The following C4orf54 variants were observed in gnomAD, a reference collection of about 807,000 sequenced individuals.
C4orf54 encodes uncharacterized protein C4orf54.
A neutral mutation model predicts 80.1 loss-of-function variants in C4orf54; 67 were observed. The ratio of observed to expected loss-of-function variants is 0.84; its 90% CI spans 0.69 to 1.03. The LOEUF is 1.03. C4orf54 is among the 50% of genes least tolerant of loss of function. The pLI is 0.00. For missense variants in C4orf54, 2,434 were observed against 2,253.5 expected (o/e 1.08, Z -1.62); for synonymous variants, 1,000 against 917.0 (o/e 1.09, Z -1.64).
chr4:99,636,907 G>A lies in C4orf54; in HGVS notation c.*4326C>T, dbSNP rs551473515. The A allele has an allele frequency of 2.6e-5, 4 of 152,116 alleles. No homozygotes were observed. In the South Asian group the frequency reaches 8.3e-4, roughly 32 times the overall value. 9.4% of individuals were successfully genotyped at this position (152,116 alleles called of 1,614,324 possible). A position where few individuals can be genotyped will look rare whatever the true frequency, so the allele number is the denominator to read the frequency against. ...TTACCACCAGCTTTTTTCATAGTCC[G>A]GGGTATAACATTATCCAATATCCTT... On this transcript the variant is annotated 3_prime_UTR_variant, in exon 3 of 3. Coordinates refer to ENST00000511828, the MANE Select transcript of C4orf54 (RefSeq NM_001354435.2).
Position 99,649,286 on chromosome 4 carries a change from A to G in C4orf54, c.5363T>C (p.Phe1788Ser). Residue 1788 changes from phenylalanine (F) to serine (S), a missense_variant, in exon 2 of 3, where the codon TTT becomes TCT. Phe to Ser is a radical substitution (Grantham distance 155, BLOSUM62 -2). Transcript: ENST00000511828. ...PPSFDGTTMS[F>S]VVEHR ...TGCTCATCATCTGTGTTCTACCACA[A>G]AGCTCATGGTGGTGCCATCAAAGGA... The G allele has an allele frequency of 6.6e-7, 1 of 1,525,314 alleles. No individual in the cohort carries two copies. 94.5% of individuals were successfully genotyped at this position (1,525,314 alleles called of 1,614,324 possible).
Position 99,650,238 on chromosome 4 carries a change from G to C in C4orf54, c.4411C>G (p.Leu1471Val), listed in dbSNP as rs752450077. The part of the protein sequence containing the change: ...EKSNSDCENY[L>V]TIPLKGSSAA... ...GAGCTTCCTTTAAGAGGGATGGTCA[G>C]GTAATTCTCACAGTCACTGTTGCTC... The change falls in exon 2 of 3, where the codon CTG (leucine) becomes GTG (valine). Residue 1471 changes from leucine (L) to valine (V), a missense_variant. Coordinates refer to ENST00000511828, the MANE Select transcript of C4orf54 (RefSeq NM_001354435.2). The C allele has an allele frequency of 1.4e-5, 22 of 1,536,102 alleles. No homozygotes were observed. Among genetic ancestry groups the C allele is most frequent in the Non-Finnish European group, 1.9e-5 (22 of 1,146,898 alleles).
chr4:99,650,416 G>T lies in C4orf54; in HGVS notation c.4233C>A (p.Val1411=). 1 of 1,536,068 alleles carries T rather than the reference G, an allele frequency of 6.5e-7. No homozygotes were observed. Among genetic ancestry groups the T allele is most frequent in the South Asian group, 1.2e-5 (1 of 84,040 alleles). The change falls in exon 2 of 3, where the codon GTC becomes GTA. Residue 1411 remains valine (V), a synonymous_variant. Coordinates refer to ENST00000511828, the MANE Select transcript of C4orf54 (RefSeq NM_001354435.2). ...SASSIQKTGG[V]AGKFPQGPSP... is the part of the protein sequence containing the mutation. ...AAGGCCCTTGTGGGAACTTGCCAGCGACACCCCCAGTTTTCTGGATGCTGC... is the reference window on the plus strand; with the variant it reads ...AAGGCCCTTGTGGGAACTTGCCAGCTACACCCCCAGTTTTCTGGATGCTGC...
Position 99,650,345 on chromosome 4 carries a change from A to G in C4orf54, c.4304T>C (p.Leu1435Pro), listed in dbSNP as rs1044119685. The change falls in exon 2 of 3, where the codon CTC becomes CCC. Residue 1435 changes from leucine (L) to proline (P), a missense_variant. Transcript: ENST00000511828. The stretch of plus-strand genomic sequence containing the variant: ...GGCTGGAGAGATCTTGAGGGACCGG[A>G]GTCCCTGCGACTTGATGCCCTTAGC... The part of the protein sequence containing the change: ...SAAKGIKSQG[L>P]RSLKISPATR... The G allele has an allele frequency of 9.1e-6, 14 of 1,535,900 alleles. No individual in the cohort carries two copies. The highest frequency in any genetic ancestry group is 1.1e-5 in the Non-Finnish European group (13 of 1,146,894).
Position 99,651,821 on chromosome 4 carries a change from G to A in C4orf54, c.2828C>T (p.Ala943Val), listed in dbSNP as rs967066685. The A allele has an allele frequency of 2.0e-6, 3 of 1,536,074 alleles. No homozygotes were observed. Among genetic ancestry groups the A allele is most frequent in the East Asian group, 4.9e-5 (2 of 40,906 alleles). ...KGIFLRSQNS[A>V]FRSWKEKEAE... ...CTCTTTCTCCTTCCATGACCGGAACGCACTGTTCTGACTACGGAGGAAGAT... is the reference window on the plus strand; with the variant it reads ...CTCTTTCTCCTTCCATGACCGGAACACACTGTTCTGACTACGGAGGAAGAT... Residue 943 changes from alanine to valine, a missense_variant, in exon 2 of 3, where the codon GCG becomes GTG. Transcript: ENST00000511828.
At chr4:99,644,768 A>G (rs1726671437) in intron 2 of C4orf54, among the ~76,000 whole-genome samples, 1 of 151,728 alleles carries the variant, frequency 6.6e-6, no homozygotes, top group African/African-American at 2.4e-5. Flanking sequence ...ACTACAAAAA[A>G]AGTGAGGAGA....
In C4orf54 at chr4:99,653,485, CA is replaced by C. The variant is rs763399488; in HGVS notation, c.1163del (p.Leu388ArgfsTer12). 271 of 1,536,012 alleles carry C rather than the reference CA, an allele frequency of 1.8e-4. 1 individual carries two copies. Among genetic ancestry groups the C allele is most frequent in the Non-Finnish European group, 2.2e-4 (253 of 1,146,910 alleles). ...VEQDMDFDVG[L>X]ASRWDFEDNN... ...TGTCCTCGAAATCCCAGCGGGAGGC[CA>C]GTCCCACGTCGAAATCCATGTCCTG... On this transcript the variant is annotated frameshift_variant, in exon 2 of 3. Coordinates refer to ENST00000511828, the MANE Select transcript of C4orf54 (RefSeq NM_001354435.2). LOFTEE classifies it high-confidence loss of function.
At chr4:99,644,732 A>G (rs1726670138) in intron 2 of C4orf54, among the ~76,000 whole-genome samples, 1 of 135,562 alleles carries the variant, frequency 7.4e-6, no homozygotes, top group South Asian at 2.4e-4. Context: ...TAAGCTGTCT[A>G]ATCTATGATA....
In C4orf54 at chr4:99,649,592, A is replaced by G; in HGVS notation, c.5057T>C (p.Val1686Ala). Residue 1686 changes from valine to alanine, a missense_variant, in exon 2 of 3, where the codon GTG becomes GCG. Coordinates refer to ENST00000511828, the MANE Select transcript of C4orf54 (RefSeq NM_001354435.2). ...GGGCTGCAGAGCATTGGTGGGCAGC[A>G]CGGTAGGCAGAAACCCAGGGTAAAT... The part of the protein sequence containing the change: ...YMIYPGFLPT[V>A]LPTNALQPTP... The G allele has an allele frequency of 6.5e-7, 1 of 1,536,158 alleles. No individual in the cohort carries two copies. Among genetic ancestry groups the G allele is most frequent in the East Asian group, 2.4e-5 (1 of 40,920 alleles).
chr4:99,653,363 T>C lies in C4orf54; in HGVS notation c.1286A>G (p.Asn429Ser), dbSNP rs1319803408. ...GGGAGTGGTGCTGAGGTAGCAGCTG[T>C]TGTCGTCGTCCTCTTCGGTCAGACT... Reference protein sequence around the residue: ...ITSLTEEDDDNSCYLSTTPST... With the variant: ...ITSLTEEDDDSSCYLSTTPST... Residue 429 changes from asparagine to serine, a missense_variant, in exon 2 of 3, where the codon AAC (asparagine) becomes AGC (serine). Physicochemically the swap from Asn to Ser is conservative, Grantham distance 46. Transcript: ENST00000511828. 6.5e-7 allele frequency: 1 copy of C among 1,536,068 alleles called. No individual in the cohort carries two copies. Among genetic ancestry groups the C allele is most frequent in the Non-Finnish European group, 8.7e-7 (1 of 1,146,774 alleles).
intron 2 of C4orf54, among the ~76,000 whole-genome samples, chr4:99,645,410 T>TAAAAAAAAA (rs70958324): frequency 3.6e-5 from 2 of 55,866 alleles, no homozygotes; most frequent in African/African-American, 8.0e-5. Flanking sequence ...AGGCTTACAG[T>TAAAAAAAAA]AAAAAAAAAA....
chr4:99,655,703 C>A (rs780941773), intron 1 of C4orf54, among the ~76,000 whole-genome samples: 3 of 152,150 alleles, frequency 2.0e-5, no homozygotes, highest in Admixed American at 6.5e-5. Flanking sequence ...TGCTGGCCAT[C>A]CTCAGAGCTG....
rs768845300 is a variant in C4orf54, at chr4:99,650,168, C to T, written c.4481G>A (p.Gly1494Glu). 6.5e-7 allele frequency: 1 copy of T among 1,535,944 alleles called. No individual in the cohort carries two copies. The highest frequency in any genetic ancestry group is 2.0e-5 in the Admixed American group (1 of 51,002). ...AGTGGCAGCTGAGGAGTTGGGGGGCCCCTCCCTGGAAGCCCCAGGCCTGCT... is the reference window on the plus strand; with the variant it reads ...AGTGGCAGCTGAGGAGTTGGGGGGCTCCTCCCTGGAAGCCCCAGGCCTGCT... ...LLSRPGASREGPPNSSAATLC... is the reference protein window; with the variant it reads ...LLSRPGASREEPPNSSAATLC... The change falls in exon 2 of 3, where the codon GGG (glycine) becomes GAG (glutamate). Residue 1494 changes from glycine (G) to glutamate (E), a missense_variant. Physicochemically the swap from Gly to Glu is moderately conservative, Grantham distance 98 (BLOSUM62 -2). Coordinates refer to ENST00000511828, the MANE Select transcript of C4orf54 (RefSeq NM_001354435.2).
chr4:99,650,120 C>G lies in C4orf54; in HGVS notation c.4529G>C (p.Ser1510Thr). The change falls in exon 2 of 3, where the codon AGT becomes ACT. Residue 1510 changes from serine (S) to threonine (T), a missense_variant. Transcript: ENST00000511828. ...GCTACTGGGGACCTGACTGCGGGCA[C>G]TCAGCGGGGGTAAACTACAGAGAGT... ...AATLCSLPPL[S>T]ARSQVPSSSK... The G allele has an allele frequency of 3.3e-6, 5 of 1,535,884 alleles. No homozygotes were observed. Among genetic ancestry groups the G allele is most frequent in the Non-Finnish European group, 4.4e-6 (5 of 1,146,854 alleles).
Position 99,638,021 on chromosome 4 carries a change from A to G in C4orf54, c.*3212T>C, listed in dbSNP as rs1379660712. On this transcript the variant is annotated 3_prime_UTR_variant, in exon 3 of 3. Coordinates refer to ENST00000511828, the MANE Select transcript of C4orf54 (RefSeq NM_001354435.2). ...CAAACACAGACTTTGATTTCTATGA[A>G]GTATGAAAACAATTAAAATCTATCT... The G allele has an allele frequency of 1.3e-5, 2 of 152,194 alleles. No individual in the cohort carries two copies. The highest frequency in any genetic ancestry group is 1.5e-5 in the Non-Finnish European group (1 of 68,016). The allele number at this position is 152,194 out of a possible 1,614,324, so 9.4% of individuals were successfully genotyped here.
chr4:99,645,008 CAAG>C (rs916973956), intron 2 of C4orf54, among the ~76,000 whole-genome samples: 4 of 151,724 alleles, frequency 2.6e-5, no homozygotes, highest in African/African-American at 4.8e-5. Flanking sequence ...GAGAAATGGA[CAAG>C]AAGAAGAAGG....
chr4:99,653,018 T>C lies in C4orf54; in HGVS notation c.1631A>G (p.Tyr544Cys). 6.5e-7 allele frequency: 1 copy of C among 1,536,170 alleles called. No individual in the cohort carries two copies. The highest frequency in any genetic ancestry group is 8.7e-7 in the Non-Finnish European group (1 of 1,146,904). The part of the protein sequence containing the change: ...SNVRAKQNII[Y>C]AAKHEGDMSL... The stretch of plus-strand genomic sequence containing the variant: ...CATGTCGCCTTCATGCTTGGCAGCA[T>C]AAATAATGTTTTGCTTTGCACGCAC... The change falls in exon 2 of 3, where the codon TAT becomes TGT. Residue 544 changes from tyrosine to cysteine, a missense_variant. By Grantham distance (194) the Tyr-to-Cys change is radical. Coordinates refer to ENST00000511828, the MANE Select transcript of C4orf54 (RefSeq NM_001354435.2).
At chr4:99,644,601 T>G (rs1362318413) in intron 2 of C4orf54, among the ~76,000 whole-genome samples, 1 of 152,162 alleles carries the variant, frequency 6.6e-6, no homozygotes, top group Non-Finnish European at 1.5e-5. Flanking sequence ...ATTAGCTACC[T>G]GGCCTGCATG....
At position 99,653,697 on chromosome 4, in the gene C4orf54, C is replaced by A. The variant is rs534969379; in HGVS notation, c.952G>T (p.Val318Leu). The change falls in exon 2 of 3, where the codon GTG (valine) becomes TTG (leucine). Residue 318 changes from valine (V) to leucine (L), a missense_variant. Transcript: ENST00000511828. ...GATATTTTCTCTCCTTCTCCTCCCACGGCCTGGCAACCTTCACTTTCACCA... is the reference window on the plus strand; with the variant it reads ...GATATTTTCTCTCCTTCTCCTCCCAAGGCCTGGCAACCTTCACTTTCACCA... The part of the protein sequence containing the change: ...ESGESEGCQA[V>L]GGEGEKISGG... 2 of 1,530,132 alleles carry A rather than the reference C, an allele frequency of 1.3e-6. No homozygotes were observed. The highest frequency in any genetic ancestry group is 1.4e-5 in the African/African-American group (1 of 73,080). 94.8% of individuals were successfully genotyped at this position (1,530,132 alleles called of 1,614,324 possible).
Sources: allele counts gnomAD v4.1 joint callset (sites outside exome capture counted in the v4.1 genomes callset), GRCh38; gene constraint gnomAD v4.1.1; transcripts MANE v1.5; gene names NCBI Gene and HGNC (gene_info 2026-07-23, HGNC 2026-07-21).